The following FAM13A variants were observed in gnomAD, a reference collection of about 807,000 sequenced individuals.
The protein encoded by FAM13A is protein FAM13A.
In FAM13A, 76 loss-of-function variants were observed where a neutral mutation model predicts 129.6. The ratio of observed to expected loss-of-function variants is 0.59; its 90% CI spans 0.49 to 0.71. The LOEUF (loss-of-function observed/expected upper bound fraction) is 0.71. Among genes scored for constraint, FAM13A ranks in the 30% least tolerant of loss-of-function variants. The pLI is 0.00. For missense variants in FAM13A, 1,108 were observed against 1,249.3 expected, an observed-to-expected ratio of 0.89 and a Z score of 1.70; for synonymous variants, 443 against 449.9, an observed-to-expected ratio of 0.98 and a Z score of 0.20.
At chr4:88,730,672 G>A (rs142866201) in intron 23 of FAM13A, among the ~76,000 whole-genome samples, 7 of 152,270 alleles carry the variant, frequency 4.6e-5, no homozygotes, top group East Asian at 1.9e-4. Context: ...GATTACAGGC[G>A]TGAGCCACCA....
chr4:89,049,556 A>T (rs1398333584), intron 1 of FAM13A, among the ~76,000 whole-genome samples: 1 of 152,264 alleles, frequency 6.6e-6, no homozygotes, highest in African/African-American at 2.4e-5. Context: ...ACTTTATATC[A>T]AAATTCTCTT....
intron 6 of FAM13A, among the ~76,000 whole-genome samples, chr4:88,873,210 T>A (rs1336857177): frequency 6.6e-6 from 1 of 152,096 alleles, no homozygotes; most frequent in Non-Finnish European, 1.5e-5. Context: ...ATTGACACCC[T>A]AACATCACAA....
At chr4:88,874,802 T>C (rs1384220281) in intron 6 of FAM13A, among the ~76,000 whole-genome samples, 1 of 152,172 alleles carries the variant, frequency 6.6e-6, no homozygotes, top group Non-Finnish European at 1.5e-5. Flanking sequence ...TTAAAGTTCA[T>C]ATGGAACCAA....
chr4:88,839,576 T>G (rs1735446649), intron 7 of FAM13A, among the ~76,000 whole-genome samples: 1 of 152,310 alleles, frequency 6.6e-6, no homozygotes, highest in African/African-American at 2.4e-5. Flanking sequence ...CTTGTTCAAC[T>G]GGCAGGGGCA....
At chr4:88,810,122 T>C (rs1729377124) in intron 7 of FAM13A, among the ~76,000 whole-genome samples, 1 of 152,124 alleles carries the variant, frequency 6.6e-6, no homozygotes, top group Non-Finnish European at 1.5e-5. Flanking sequence ...GCTGAAGTTG[T>C]TAGTATTCAC....
intron 1 of FAM13A, among the ~76,000 whole-genome samples, chr4:89,041,748 CCTT>C (rs1770169076): frequency 6.6e-6 from 1 of 151,942 alleles, no homozygotes; most frequent in Admixed American, 6.6e-5. Flanking sequence ...TGGTGAAAGT[CCTT>C]CTCTACTAAA....
Position 88,726,536 on chromosome 4 carries a change from A to ACAT in FAM13A, c.*1994_*1996dup. On this transcript the variant is annotated 3_prime_UTR_variant, in exon 24 of 24. Coordinates refer to ENST00000264344, the MANE Select transcript of FAM13A (RefSeq NM_014883.4). ...AATTCTGTAGCGTATTTTTCCAAAA[A>ACAT]CATAGTCTTAAACAAATGTGCTTTA... is the stretch of plus-strand genomic sequence containing the variant. The ACAT allele has an allele frequency of 6.5e-6, 1 of 152,784 alleles. No individual in the cohort carries two copies. Among genetic ancestry groups the ACAT allele is most frequent in the Non-Finnish European group, 1.5e-5 (1 of 68,030 alleles). 9.5% of individuals were successfully genotyped at this position (152,784 alleles called of 1,614,324 possible).
chr4:88,945,990 G>A (rs7440403), intron 4 of FAM13A, among the ~76,000 whole-genome samples: 621 of 61,550 alleles, frequency 0.01, 22 homozygotes, highest in African/African-American at 0.046. Context: ...GTGTGTGTGT[G>A]TATATATATA....
chr4:88,945,990 G>GTGTGTGTATATA, intron 4 of FAM13A, among the ~76,000 whole-genome samples: 37 of 61,946 alleles, frequency 6.0e-4, no homozygotes, highest in South Asian at 4.3e-3. Context: ...GTGTGTGTGT[G>GTGTGTGTATATA]TATATATATA....
intron 7 of FAM13A, among the ~76,000 whole-genome samples, chr4:88,832,691 T>C (rs1243432390): frequency 1.3e-5 from 2 of 152,122 alleles, no homozygotes; most frequent in African/African-American, 4.8e-5. Context: ...TACCATCTCA[T>C]GCCAGTCAGA....
intron 5 of FAM13A, among the ~76,000 whole-genome samples, chr4:88,928,545 A>C (rs1752562381): frequency 6.6e-6 from 1 of 152,172 alleles, no homozygotes; most frequent in Non-Finnish European, 1.5e-5. Flanking sequence ...CTTTATCATT[A>C]CATAAAACCT....
rs185159314 is a variant in FAM13A at position 88,862,167 on chromosome 4, A to G, written c.844-10984T>C. On this transcript the variant is annotated intron_variant, in intron 6 of 23. Coordinates refer to ENST00000264344, the MANE Select transcript of FAM13A (RefSeq NM_014883.4). Reference sequence around the variant, plus strand: ...ACATTAATCATGTAATTGCATGCATATATACATATGAGCTATGATAAATGT... The same window carrying G: ...ACATTAATCATGTAATTGCATGCATGTATACATATGAGCTATGATAAATGT... Among the ~76,000 whole-genome samples, 559 of 152,376 alleles carry G rather than the reference A, an allele frequency of 3.7e-3. 2 individuals carry two copies. The highest frequency in any genetic ancestry group is 0.012 in the African/African-American group (510 of 41,586).
chr4:88,831,383 A>G (rs1210798196), intron 7 of FAM13A, among the ~76,000 whole-genome samples: 1 of 152,228 alleles, frequency 6.6e-6, no homozygotes, highest in Non-Finnish European at 1.5e-5. Flanking sequence ...AGGCTTTAGC[A>G]GGGCTTCCTT....
At chr4:88,744,063 A>T (rs1240391845) in intron 19 of FAM13A, among the ~76,000 whole-genome samples, 1 of 152,110 alleles carries the variant, frequency 6.6e-6, no homozygotes, top group East Asian at 1.9e-4. Context: ...CAGAAAATCC[A>T]AAACAGCAGC....
At chr4:88,880,936 T>C (rs1295851886) in intron 6 of FAM13A, among the ~76,000 whole-genome samples, 1 of 151,988 alleles carries the variant, frequency 6.6e-6, no homozygotes. Context: ...ATAACTCCAT[T>C]GGCCTGAGAA....
At chr4:88,768,991 G>A (rs969992650) in intron 11 of FAM13A, among the ~76,000 whole-genome samples, 4 of 152,094 alleles carry the variant, frequency 2.6e-5, no homozygotes, top group African/African-American at 9.7e-5. Flanking sequence ...TAGCTGCCTT[G>A]GAAATTTGGA....
At chr4:88,779,012 C>A (rs1308672748) in intron 11 of FAM13A, among the ~76,000 whole-genome samples, 1 of 152,158 alleles carries the variant, frequency 6.6e-6, no homozygotes, top group African/African-American at 2.4e-5. Context: ...GCATCCCTTG[C>A]CCCCTCACAG....
chr4:88,744,078 C>T (rs377387767), intron 19 of FAM13A, among the ~76,000 whole-genome samples: 4 of 152,032 alleles, frequency 2.6e-5, no homozygotes, highest in African/African-American at 7.3e-5. Context: ...AGCAGCTAAC[C>T]GAAGGAGAAT....
intron 1 of FAM13A, among the ~76,000 whole-genome samples, chr4:89,051,663 C>T (rs1225525462): frequency 6.6e-6 from 1 of 152,066 alleles, no homozygotes; most frequent in Non-Finnish European, 1.5e-5. Flanking sequence ...AGGCAAACTC[C>T]TCTCTAGCTG....
Sources: allele counts gnomAD v4.1 joint callset (sites outside exome capture counted in the v4.1 genomes callset), GRCh38; gene constraint gnomAD v4.1.1; transcripts MANE v1.5; gene names NCBI Gene and HGNC (gene_info 2026-07-23, HGNC 2026-07-21).